Variants in PRKG1 observed in about 807,000 individuals in gnomAD.
The protein encoded by PRKG1 is cGMP-dependent protein kinase 1.
PRKG1 carries 35 observed loss-of-function variants against 88.1 expected under a neutral mutation model. The ratio of observed to expected loss-of-function variants is 0.40; its 90% CI spans 0.30 to 0.53. The LOEUF (loss-of-function observed/expected upper bound fraction) is 0.53, where lower values mean the gene tolerates loss of function less well. PRKG1 is among the 20% of genes least tolerant of loss of function. PRKG1 has a pLI of 0.59. For missense variants in PRKG1, 540 were observed against 839.8 expected, an observed-to-expected ratio of 0.64 and a Z score of 4.41; for synonymous variants, 303 against 292.5, an observed-to-expected ratio of 1.04 and a Z score of -0.37.
At chr10:51,646,287 A>G (rs1839913333) in intron 3 of PRKG1, among the ~76,000 whole-genome samples, 1 of 152,130 alleles carries the variant, frequency 6.6e-6, no homozygotes, top group South Asian at 2.1e-4. Context: ...TAAATGTTAT[A>G]ATAATATATA....
At chr10:51,438,336 C>T (rs1269424324) in intron 2 of PRKG1, among the ~76,000 whole-genome samples, 1 of 151,712 alleles carries the variant, frequency 6.6e-6, no homozygotes, top group Non-Finnish European at 1.5e-5. Flanking sequence ...ACAGCCAATT[C>T]TTCATTCATA....
intron 1 of PRKG1, among the ~76,000 whole-genome samples, chr10:51,128,596 C>T (rs1310042003): frequency 6.6e-6 from 1 of 152,066 alleles, no homozygotes; most frequent in African/African-American, 2.4e-5. Context: ...AGATGAAATG[C>T]CTAGTATCTA....
intron 1 of PRKG1, among the ~76,000 whole-genome samples, chr10:51,115,826 A>G (rs1360014349): frequency 7.9e-6 from 1 of 126,060 alleles, no homozygotes; most frequent in Non-Finnish European, 1.7e-5. Flanking sequence ...ACAGAGTGAG[A>G]CTCCATCTCG....
chr10:52,020,820 C>G (rs1200525062), intron 5 of PRKG1, among the ~76,000 whole-genome samples: 1 of 152,056 alleles, frequency 6.6e-6, no homozygotes, highest in East Asian at 1.9e-4. Flanking sequence ...ACTGCACGTG[C>G]CCCGGCTCAC....
chr10:51,408,140 G>A lies in PRKG1; in HGVS notation c.479-59583G>A, dbSNP rs145320970. ...CTTGATTCCTGGACCTGTGAATCCC[G>A]GCTATGGGAGAAACAGTACCATATA... On this transcript the variant is annotated intron_variant, in intron 2 of 17. Transcript: ENST00000373980. Among the ~76,000 whole-genome samples the A allele has an allele frequency of 2.8e-3, 427 of 152,244 alleles. 2 individuals are homozygous for A. Among genetic ancestry groups the A allele is most frequent in the African/African-American group, 9.7e-3 (404 of 41,530 alleles).
intron 10 of PRKG1, among the ~76,000 whole-genome samples, chr10:52,262,552 T>C (rs1342482613): frequency 1.3e-5 from 2 of 152,142 alleles, no homozygotes; most frequent in Non-Finnish European, 2.9e-5. Flanking sequence ...ATTACAGGCA[T>C]GAGCCACCGC....
At position 51,074,603 on chromosome 10, in the gene PRKG1, C is replaced by A. The variant is rs752092723; in HGVS notation, c.13C>A (p.Arg5=). MGTL[R]DLQYALQEKI... is the part of the protein sequence containing the mutation. ...AGCCCGGAGGAGCATGGGCACCTTG[C>A]GGGATTTACAGTACGCGCTCCAGGA... Residue 5 remains arginine, a synonymous_variant, in exon 1 of 18, where the codon CGG becomes AGG. Coordinates refer to ENST00000373980, the MANE Select transcript of PRKG1 (RefSeq NM_006258.4). 3 of 1,610,902 alleles carry A rather than the reference C, an allele frequency of 1.9e-6. No homozygotes were observed. Among genetic ancestry groups the A allele is most frequent in the East Asian group, 2.2e-5 (1 of 44,726 alleles).
chr10:51,622,823 G>T (rs988062297), intron 3 of PRKG1, among the ~76,000 whole-genome samples: 3 of 152,062 alleles, frequency 2.0e-5, no homozygotes, highest in Non-Finnish European at 2.9e-5. Flanking sequence ...ATTTACTTTG[G>T]GCTTCACTTT....
intron 2 of PRKG1, among the ~76,000 whole-genome samples, chr10:51,284,430 A>C (rs960748127): frequency 6.6e-6 from 1 of 152,294 alleles, no homozygotes; most frequent in African/African-American, 2.4e-5. Context: ...CCAAGCTAAA[A>C]CTCAGGGCCG....
chr10:51,288,510 C>G (rs1840500313), intron 2 of PRKG1, among the ~76,000 whole-genome samples: 2 of 152,222 alleles, frequency 1.3e-5, no homozygotes, highest in Admixed American at 6.5e-5. Context: ...TCTTTGGTAG[C>G]TTTATGGACC....
At chr10:51,218,490 C>CATAT (rs869105973) in intron 2 of PRKG1, among the ~76,000 whole-genome samples, 1,944 of 40,608 alleles carry the variant, frequency 0.048, 67 homozygotes, top group Non-Finnish European at 0.062. Flanking sequence ...CATCTATCTT[C>CATAT]ATATATATAT....
At chr10:51,007,574 G>T (rs1458516099) in intron 1 of PRKG1, among the ~76,000 whole-genome samples, 4 of 152,158 alleles carry the variant, frequency 2.6e-5, no homozygotes, top group Non-Finnish European at 5.9e-5. Flanking sequence ...ATGGACTGTG[G>T]AATCAGATGA....
intron 1 of PRKG1, among the ~76,000 whole-genome samples, chr10:51,063,337 C>T (rs950338602): frequency 6.6e-6 from 1 of 152,004 alleles, no homozygotes; most frequent in African/African-American, 2.4e-5. Context: ...TTTACACAAA[C>T]CTAGATGGTA....
intron 4 of PRKG1, among the ~76,000 whole-genome samples, chr10:51,816,930 T>C (rs990573157): frequency 7.2e-5 from 11 of 152,164 alleles, no homozygotes; most frequent in Admixed American, 5.2e-4. Flanking sequence ...TAAATCAAAG[T>C]TGCCTTGCAG....
chr10:51,726,829 T>A (rs1842143084), intron 3 of PRKG1, among the ~76,000 whole-genome samples: 1 of 152,138 alleles, frequency 6.6e-6, no homozygotes. Context: ...CAGGCTGGAG[T>A]GCAGTGGCAC....
At chr10:52,186,057 C>T (rs573272783) in intron 9 of PRKG1, among the ~76,000 whole-genome samples, 4 of 152,308 alleles carry the variant, frequency 2.6e-5, no homozygotes, top group African/African-American at 9.6e-5. Context: ...CCCCACTCCT[C>T]TGTATCAATT....
intron 3 of PRKG1, among the ~76,000 whole-genome samples, chr10:51,526,761 C>G (rs1029058159): frequency 6.6e-6 from 1 of 152,198 alleles, no homozygotes; most frequent in African/African-American, 2.4e-5. Flanking sequence ...TTTTCTTTCT[C>G]TCCTACCAGC....
At chr10:52,135,728 A>G (rs957302423) in intron 8 of PRKG1, among the ~76,000 whole-genome samples, 2 of 152,140 alleles carry the variant, frequency 1.3e-5, no homozygotes, top group Admixed American at 1.3e-4. Flanking sequence ...CATTGAACAT[A>G]CAATATCGAA....
At chr10:51,645,648 A>G (rs1037056449) in intron 3 of PRKG1, among the ~76,000 whole-genome samples, 13 of 152,210 alleles carry the variant, frequency 8.5e-5, no homozygotes, top group African/African-American at 2.4e-4. Flanking sequence ...GAGCATTGCA[A>G]TATAAAAAGT....
Sources: gnomAD v4.1 joint callset for allele counts (sites outside exome capture counted in the v4.1 genomes callset) on GRCh38, gnomAD v4.1.1 for gene constraint, MANE v1.5 for transcripts, NCBI Gene and HGNC (gene_info 2026-07-23, HGNC 2026-07-21) for gene names.